ZEB2: variants seen among roughly 807,000 people sequenced by gnomAD.
ZEB2 encodes zinc finger E-box-binding homeobox 2.
Under a neutral mutation model 99.9 loss-of-function variants are expected in ZEB2, and 6 were observed. That is an observed-to-expected ratio of 0.06 (90% CI 0.03 to 0.12). The LOEUF (loss-of-function observed/expected upper bound fraction) is 0.12, where lower values mean the gene tolerates loss of function less well. Ranked by LOEUF, ZEB2 falls within the 10% of genes least tolerant of loss-of-function variation. ZEB2 has a pLI of 1.00. For synonymous variants in ZEB2, 517 were observed against 542.5 expected, an observed-to-expected ratio of 0.95 and a Z score of 0.65; for missense variants, 969 against 1,502.8, an observed-to-expected ratio of 0.64 and a Z score of 5.87.
chr2:144,422,859 C>T (rs543335888), intron 4 of ZEB2, among the ~76,000 whole-genome samples: 1 of 152,080 alleles, frequency 6.6e-6, no homozygotes, highest in East Asian at 1.9e-4. Context: ...ATGGCTCCTA[C>T]CATTTGTTGC....
intron 2 of ZEB2, among the ~76,000 whole-genome samples, chr2:144,503,455 G>A (rs904261879): frequency 6.6e-6 from 1 of 152,154 alleles, no homozygotes; most frequent in Non-Finnish European, 1.5e-5. Context: ...GGCATCAGCA[G>A]ATCAGCCAAT....
chr2:144,391,293 G>A (rs575563593), intron 9 of ZEB2, among the ~76,000 whole-genome samples: 2 of 152,224 alleles, frequency 1.3e-5, no homozygotes, highest in African/African-American at 4.8e-5. Context: ...TTATTTAACT[G>A]GAATGTCCAC....
At chr2:144,434,901 G>A (rs947802733) in intron 2 of ZEB2, among the ~76,000 whole-genome samples, 10 of 152,168 alleles carry the variant, frequency 6.6e-5, no homozygotes, top group African/African-American at 2.4e-4. Context: ...TATCATCCAA[G>A]GAAGCTTGGT....
intron 3 of ZEB2, chr2:144,426,647 T>C (rs1703694078): frequency 6.6e-6 from 1 of 152,168 alleles, no homozygotes; most frequent in Admixed American, 6.5e-5. Flanking sequence ...TATACAAATG[T>C]GTAGTCAGCA....
intron 4 of ZEB2, among the ~76,000 whole-genome samples, chr2:144,423,094 A>G (rs1703641665): frequency 6.6e-6 from 1 of 152,206 alleles, no homozygotes; most frequent in African/African-American, 2.4e-5. Context: ...ATGAGAAAAA[A>G]GGGGTGTTTA....
intron 2 of ZEB2, among the ~76,000 whole-genome samples, chr2:144,484,032 C>T (rs1704556738): frequency 6.6e-6 from 1 of 152,066 alleles, no homozygotes; most frequent in Non-Finnish European, 1.5e-5. Flanking sequence ...TGGGGTCCCA[C>T]ACTCAAATGT....
At chr2:144,501,435 C>CT (rs1704868638) in intron 2 of ZEB2, among the ~76,000 whole-genome samples, 1 of 152,198 alleles carries the variant, frequency 6.6e-6, no homozygotes, top group Non-Finnish European at 1.5e-5. Context: ...TGCTTTGCTT[C>CT]TTTTTACACT....
chr2:144,413,361 G>A (rs1367940452), intron 4 of ZEB2, among the ~76,000 whole-genome samples: 1 of 152,184 alleles, frequency 6.6e-6, no homozygotes, highest in African/African-American at 2.4e-5. Flanking sequence ...GGGAACACTT[G>A]CTGTGAAGTG....
chr2:144,409,916 T>TC (rs1176813208), intron 4 of ZEB2, among the ~76,000 whole-genome samples: 2 of 150,444 alleles, frequency 1.3e-5, no homozygotes, highest in African/African-American at 4.9e-5. Context: ...AGTTGTTGTT[T>TC]TTTTTTTTTT....
intron 2 of ZEB2, chr2:144,511,296 C>T (rs1018262948): frequency 1.1e-5 from 9 of 796,686 alleles, no homozygotes; most frequent in African/African-American, 7.4e-5. Context: ...AAAAGATACA[C>T]GCATGGATGG....
chr2:144,466,637 A>T (rs556987583), intron 2 of ZEB2, among the ~76,000 whole-genome samples: 1 of 152,328 alleles, frequency 6.6e-6, no homozygotes, highest in East Asian at 1.9e-4. Flanking sequence ...TCAGTACTGT[A>T]TTAATAAGCT....
chr2:144,397,868 T>C, intron 8 of ZEB2: 2 of 311,094 alleles, frequency 6.4e-6, no homozygotes, highest in South Asian at 2.8e-5. Flanking sequence ...CTCAAACTCC[T>C]GACCTCAAGT....
intron 2 of ZEB2, chr2:144,511,871 T>C (rs1322938658): frequency 7.8e-7 from 1 of 1,287,244 alleles, no homozygotes; most frequent in Non-Finnish European, 1.0e-6. Flanking sequence ...ATTATTTTTT[T>C]CAACCTTCAC....
rs1190842341 is a variant in ZEB2, at chr2:144,396,397, C to A, written c.3067+15G>T. On this transcript the variant is annotated intron_variant, in intron 9 of 9. Transcript: ENST00000627532. Reference sequence around the variant, plus strand: ...GGACGGGAAGCTCTAACCAGTTAGGCAAAGTCACTCATACCTGTGTGTTCG... The same window carrying A: ...GGACGGGAAGCTCTAACCAGTTAGGAAAAGTCACTCATACCTGTGTGTTCG... 1.2e-6 allele frequency: 2 copies of A among 1,612,428 alleles called. No homozygotes were observed. The highest frequency in any genetic ancestry group is 1.7e-6 in the Non-Finnish European group (2 of 1,179,916).
intron 2 of ZEB2, chr2:144,461,931 C>T (rs1254729096): frequency 1.3e-5 from 2 of 152,116 alleles, no homozygotes; most frequent in Admixed American, 1.3e-4. Context: ...ACAGAAATAA[C>T]TACTAACATC....
chr2:144,509,249 C>A (rs997227777), intron 2 of ZEB2, among the ~76,000 whole-genome samples: 2 of 152,124 alleles, frequency 1.3e-5, no homozygotes, highest in Non-Finnish European at 2.9e-5. Context: ...AAGCATTATC[C>A]CCGTACCTCA....
intron 2 of ZEB2, among the ~76,000 whole-genome samples, chr2:144,443,099 T>C (rs1367063989): frequency 6.6e-6 from 1 of 152,136 alleles, no homozygotes. Flanking sequence ...AAAAGTAGGC[T>C]AATGACAATA....
At chr2:144,467,642 A>G (rs183659360) in intron 2 of ZEB2, among the ~76,000 whole-genome samples, 85 of 152,306 alleles carry the variant, frequency 5.6e-4, no homozygotes, top group Non-Finnish European at 4.3e-4. Flanking sequence ...CCACTTCTGC[A>G]TTCTCTGAGC....
chr2:144,517,816 C>A, intron 1 of ZEB2: 1 of 620,538 alleles, frequency 1.6e-6, no homozygotes, highest in Non-Finnish European at 2.9e-6. Flanking sequence ...TTTTCGTTCT[C>A]ATCTTTTCTC....
Sources: allele counts gnomAD v4.1 joint callset (sites outside exome capture counted in the v4.1 genomes callset), GRCh38; gene constraint gnomAD v4.1.1; transcripts MANE v1.5; gene names NCBI Gene and HGNC (gene_info 2026-07-23, HGNC 2026-07-21).